Variants in GPHN observed in about 807,000 individuals in gnomAD.
GPHN encodes the protein gephyrin.
In GPHN, 17 loss-of-function variants were observed where a neutral mutation model predicts 95.5. That is an observed-to-expected ratio of 0.18 (90% confidence interval 0.12 to 0.27). The LOEUF (loss-of-function observed/expected upper bound fraction) is 0.27. Ranked by LOEUF, GPHN falls within the 10% of genes least tolerant of loss-of-function variation. GPHN has a pLI of 1.00. For synonymous variants in GPHN, 320 were observed against 322.5 expected (o/e 0.99, Z 0.08); for missense variants, 660 against 978.1 (o/e 0.67, Z 4.34).
the GPHN span, among the ~76,000 whole-genome samples, chr14:67,197,830 C>T: frequency 6.6e-6 from 1 of 152,128 alleles, no homozygotes; most frequent in Admixed American, 6.5e-5. Context: ...GTGTCTCCAG[C>T]CCTATACTCT....
At chr14:66,590,445 A>C (rs939623271) in intron 1 of GPHN, among the ~76,000 whole-genome samples, 3 of 152,188 alleles carry the variant, frequency 2.0e-5, no homozygotes, top group Non-Finnish European at 4.4e-5. Flanking sequence ...AGAATTAAAC[A>C]GACATTATAA....
the GPHN span, among the ~76,000 whole-genome samples, chr14:67,420,940 T>G: frequency 0.1 from 15,886 of 152,292 alleles, 1,642 homozygotes; most frequent in African/African-American, 0.26. Context: ...ACAGATCTGA[T>G]TCTGTCAGGC....
chr14:66,631,528 G>A (rs564962067), intron 1 of GPHN, among the ~76,000 whole-genome samples: 1 of 152,150 alleles, frequency 6.6e-6, no homozygotes, highest in African/African-American at 2.4e-5. Flanking sequence ...CTCTTTCTAT[G>A]TATAATTAAA....
intron 1 of GPHN, among the ~76,000 whole-genome samples, chr14:66,659,484 T>C (rs980420108): frequency 3.3e-5 from 5 of 152,250 alleles, no homozygotes; most frequent in African/African-American, 1.2e-4. Context: ...TCTTTGTTGA[T>C]TATATAACTA....
the GPHN span, among the ~76,000 whole-genome samples, chr14:67,236,501 T>C: frequency 6.6e-6 from 1 of 152,226 alleles, no homozygotes; most frequent in African/African-American, 2.4e-5. Flanking sequence ...TCACACAGAT[T>C]TCAGTGCCTA....
At chr14:66,611,459 T>C (rs2062780310) in intron 1 of GPHN, among the ~76,000 whole-genome samples, 1 of 152,148 alleles carries the variant, frequency 6.6e-6, no homozygotes, top group Non-Finnish European at 1.5e-5. Context: ...TTGGAGTACT[T>C]TGTGGTAAAT....
At chr14:66,783,489 T>G (rs571649791) in intron 3 of GPHN, among the ~76,000 whole-genome samples, 1 of 152,278 alleles carries the variant, frequency 6.6e-6, no homozygotes, top group South Asian at 2.1e-4. Context: ...CCCCATTCAG[T>G]ATCAGTGAGA....
chr14:66,754,046 C>A (rs1231229602), intron 2 of GPHN, among the ~76,000 whole-genome samples: 1 of 151,912 alleles, frequency 6.6e-6, no homozygotes, highest in African/African-American at 2.4e-5. Context: ...TTTAGTAGTT[C>A]TTTTTTATTT....
intron 9 of GPHN, chr14:66,985,766 A>G: frequency 1.4e-6 from 2 of 1,400,376 alleles, no homozygotes; most frequent in Non-Finnish European, 2.0e-6. Context: ...ATTTTTTGGC[A>G]AGATTTCGTC....
intron 4 of GPHN, among the ~76,000 whole-genome samples, chr14:66,834,294 G>A (rs2061702234): frequency 6.6e-6 from 1 of 151,944 alleles, no homozygotes; most frequent in Non-Finnish European, 1.5e-5. Context: ...TATTTTTTAT[G>A]CATGAAAAAA....
At chr14:66,782,450 C>A (rs1216454939) in intron 3 of GPHN, among the ~76,000 whole-genome samples, 1 of 152,052 alleles carries the variant, frequency 6.6e-6, no homozygotes, top group Non-Finnish European at 1.5e-5. Context: ...GACTTCCAGC[C>A]AAGATGGAGT....
rs79798558 is a variant in GPHN, at chr14:67,143,210, G to T, written c.1749-152G>T. On this transcript the variant is annotated intron_variant, in intron 17 of 22. Transcript: ENST00000478722. ...TAATAAGACTTAATGCTCCTGTTAG[G>T]CAGAGACCCTTTTGATTCCCACTTC... The T allele has an allele frequency of 0.019, 12,999 of 675,198 alleles. 206 individuals carry two copies. The highest frequency in any genetic ancestry group is 0.028 in the Non-Finnish European group (10,161 of 365,500). 41.8% of individuals were successfully genotyped at this position (675,198 alleles called of 1,614,324 possible). A position where few individuals can be genotyped will look rare whatever the true frequency, so the allele number is the denominator to read the frequency against.
chr14:67,553,385 A>C, the GPHN span, among the ~76,000 whole-genome samples: 1 of 152,126 alleles, frequency 6.6e-6, no homozygotes, highest in Admixed American at 6.5e-5. Context: ...GTAAAAAAAA[A>C]ACCCCAAAAC....
chr14:67,150,465 A>AAC (rs2081209635), intron 18 of GPHN, among the ~76,000 whole-genome samples: 1 of 150,064 alleles, frequency 6.7e-6, no homozygotes, highest in Admixed American at 6.6e-5. Flanking sequence ...AAAAAAAAAA[A>AAC]AAAAAAAACA....
chr14:66,694,292 C>G (rs1403362756), intron 2 of GPHN, among the ~76,000 whole-genome samples: 2 of 152,104 alleles, frequency 1.3e-5, no homozygotes, highest in East Asian at 3.9e-4. Context: ...TAGGCCTTCA[C>G]CTGAATTTCT....
intron 9 of GPHN, among the ~76,000 whole-genome samples, chr14:66,971,453 AAT>A (rs1287265573): frequency 6.6e-6 from 1 of 152,242 alleles, no homozygotes; most frequent in East Asian, 1.9e-4. Context: ...CATTTTTTCA[AAT>A]ATATGTTAAT....
the GPHN span, among the ~76,000 whole-genome samples, chr14:67,367,778 G>T: frequency 6.6e-6 from 1 of 151,878 alleles, no homozygotes; most frequent in Non-Finnish European, 1.5e-5. Context: ...GGAGGCTGCA[G>T]TGAGCCAAGA....
chr14:67,070,952 A>G (rs2076279268), intron 11 of GPHN, among the ~76,000 whole-genome samples: 1 of 152,098 alleles, frequency 6.6e-6, no homozygotes, highest in Admixed American at 6.5e-5. Flanking sequence ...CACACCAGTT[A>G]GAATGCCAGT....
intron 3 of GPHN, among the ~76,000 whole-genome samples, chr14:66,808,499 T>G (rs1351094993): frequency 6.6e-6 from 1 of 152,204 alleles, no homozygotes; most frequent in Non-Finnish European, 1.5e-5. Flanking sequence ...CTGTATCAAA[T>G]TTATGTATAA....
Sources: allele counts gnomAD v4.1 joint callset (sites outside exome capture counted in the v4.1 genomes callset), GRCh38; gene constraint gnomAD v4.1.1; transcripts MANE v1.5; gene names NCBI Gene and HGNC (gene_info 2026-07-23, HGNC 2026-07-21).